SEC14L1: variants seen among roughly 807,000 people sequenced by gnomAD.
The protein encoded by SEC14L1 is SEC14 like lipid binding 1.
In SEC14L1, 48 loss-of-function variants were observed where a neutral mutation model predicts 85.3. The ratio of observed to expected loss-of-function variants is 0.56; its 90% CI spans 0.45 to 0.72. SEC14L1 has a LOEUF of 0.72. Ranked by LOEUF, SEC14L1 falls within the 30% of genes least tolerant of loss-of-function variation. The pLI is 0.00. For missense variants in SEC14L1, 682 were observed against 921.4 expected, an observed-to-expected ratio of 0.74 and a Z score of 3.36; for synonymous variants, 391 against 355.5, an observed-to-expected ratio of 1.10 and a Z score of -1.12.
intron 3 of SEC14L1, chr17:77,145,074 A>G (rs1973220754): frequency 6.9e-6 from 1 of 145,078 alleles, no homozygotes; most frequent in African/African-American, 2.6e-5. Context: ...GCACCTGGCT[A>G]ATTTGTGTGT....
At chr17:77,115,081 G>A (rs1051071450) in intron 3 of SEC14L1, among the ~76,000 whole-genome samples, 2 of 152,198 alleles carry the variant, frequency 1.3e-5, no homozygotes, top group South Asian at 4.1e-4. Context: ...AAATGCAAAC[G>A]TGGGTGTTTT....
At chr17:77,194,292 T>C (rs1210701490) in intron 6 of SEC14L1, among the ~76,000 whole-genome samples, 1 of 152,228 alleles carries the variant, frequency 6.6e-6, no homozygotes, top group Admixed American at 6.5e-5. Context: ...CACTGGCTCA[T>C]GCCTGTAATC....
intron 3 of SEC14L1, among the ~76,000 whole-genome samples, chr17:77,185,786 C>T (rs1975239693): frequency 6.6e-6 from 1 of 151,944 alleles, no homozygotes; most frequent in African/African-American, 2.4e-5. Flanking sequence ...ACCTGTTTTC[C>T]TAGGAATTGT....
chr17:77,091,477 A>G (rs947576515), intron 2 of SEC14L1, among the ~76,000 whole-genome samples: 8 of 152,242 alleles, frequency 5.3e-5, no homozygotes, highest in African/African-American at 1.9e-4. Flanking sequence ...TGTGCTGTCC[A>G]GCAGCACTTT....
At chr17:77,139,220 G>C (rs577852250), upstream of SEC14L1, among the ~76,000 whole-genome samples, 17 of 149,502 alleles carry the variant, frequency 1.1e-4, no homozygotes, top group Non-Finnish European at 2.2e-4. Flanking sequence ...CCAGGCTGGA[G>C]TGCAGGGCAG....
chr17:77,200,765 G>A, intron 9 of SEC14L1, 92 bp downstream of exon 9: 1 of 1,328,610 alleles, frequency 7.5e-7, no homozygotes, highest in Non-Finnish European at 1.0e-6. Context: ...AGTTGAGTGG[G>A]GCCCCCTTGA....
At chr17:77,198,667 T>C (rs1598386084) in intron 8 of SEC14L1, among the ~76,000 whole-genome samples, 3 of 150,372 alleles carry the variant, frequency 2.0e-5, no homozygotes, top group East Asian at 4.0e-4. Flanking sequence ...ATCCGCCTCC[T>C]GGGTTCACGC....
At position 77,215,802 on chromosome 17, in the gene SEC14L1, G is replaced by C. The variant is rs1373478553; in HGVS notation, c.*1779G>C. 1.0e-6 allele frequency: 1 copy of C among 956,442 alleles called. No individual in the cohort carries two copies. Among genetic ancestry groups the C allele is most frequent in the African/African-American group, 2.0e-5 (1 of 49,328 alleles). The allele number at this position is 956,442 out of a possible 1,614,324, so 59.2% of individuals were successfully genotyped here. A position where few individuals can be genotyped will look rare whatever the true frequency, so the allele number is the denominator to read the frequency against. ...TAGGTAGGGTTCGTAGGTAGGGTTC[G>C]TAGGTAGGGCTGGTAGGTAGGGTTA... On this transcript the variant is annotated 3_prime_UTR_variant, in exon 17 of 17. Transcript: ENST00000436233.
In SEC14L1 at chr17:77,216,612, A is replaced by G. The variant is rs1977114207; in HGVS notation, c.*2589A>G. On this transcript the variant is annotated 3_prime_UTR_variant, in exon 17 of 17. Transcript: ENST00000436233. ...CTCAACAGTCCTCATGTGCCCAGAGATGTTTATAGAACTGTTTGAATTGCA... is the reference window on the plus strand; with the variant it reads ...CTCAACAGTCCTCATGTGCCCAGAGGTGTTTATAGAACTGTTTGAATTGCA... 1.2e-6 allele frequency: 2 copies of G among 1,613,208 alleles called. No individual in the cohort carries two copies. The highest frequency in any genetic ancestry group is 4.5e-5 in the East Asian group (2 of 44,888).
chr17:77,114,793 CCATTG>C (rs1972130673), intron 3 of SEC14L1, among the ~76,000 whole-genome samples: 1 of 146,888 alleles, frequency 6.8e-6, no homozygotes. Context: ...CGAGATTGCG[CCATTG>C]CACTCCAGCC....
At chr17:77,166,497 C>T (rs773094863) in intron 3 of SEC14L1, among the ~76,000 whole-genome samples, 16 of 152,042 alleles carry the variant, frequency 1.1e-4, no homozygotes, top group Non-Finnish European at 2.1e-4. Context: ...CTCTCAGCCT[C>T]TGTTTTCTCA....
upstream of SEC14L1, among the ~76,000 whole-genome samples, chr17:77,136,127 G>A (rs1367563195): frequency 6.6e-6 from 1 of 151,726 alleles, no homozygotes; most frequent in Non-Finnish European, 1.5e-5. Flanking sequence ...TGCCCGCCTC[G>A]GCCTCCCAAA....
In SEC14L1 at chr17:77,149,502, C is replaced by A. The variant is rs1973460780; in HGVS notation, c.63+5843C>A. Among the ~76,000 whole-genome samples the A allele has an allele frequency of 2.0e-5, 3 of 152,030 alleles. No individual in the cohort carries two copies. The South Asian group carries it at 6.2e-4, about 32-fold the overall frequency. The stretch of plus-strand genomic sequence containing the variant: ...TGAGGTTCCAGGAGTTCGAGACCAA[C>A]TTGGGCAACATAGCAAGATCCTGTC... On this transcript the variant is annotated intron_variant, in intron 3 of 16. Coordinates refer to ENST00000436233, the MANE Select transcript of SEC14L1 (RefSeq NM_001143998.2).
At chr17:77,185,109 T>C in intron 3 of SEC14L1, 5 of 544,332 alleles carry the variant, frequency 9.2e-6, no homozygotes, top group Non-Finnish European at 9.4e-6. Context: ...TTGAGTAAGA[T>C]TGTATTGTAT....
At chr17:77,090,299 A>C (rs1315152129) in intron 2 of SEC14L1, among the ~76,000 whole-genome samples, 1 of 151,856 alleles carries the variant, frequency 6.6e-6, no homozygotes, top group Non-Finnish European at 1.5e-5. Context: ...CTCAAAAAAA[A>C]AAAAAAGGGC....
At chr17:77,185,651 T>A (rs1434686579) in intron 3 of SEC14L1, among the ~76,000 whole-genome samples, 1 of 152,222 alleles carries the variant, frequency 6.6e-6, no homozygotes, top group Non-Finnish European at 1.5e-5. Flanking sequence ...AAGTCTCAAT[T>A]TCTTGGTACG....
chr17:77,156,753 G>A (rs1025561951), intron 3 of SEC14L1, among the ~76,000 whole-genome samples: 1 of 151,966 alleles, frequency 6.6e-6, no homozygotes, highest in African/African-American at 2.4e-5. Context: ...CGTTTGGTCG[G>A]CTGTATTTAC....
chr17:77,145,077 TTGTGTGTGTGTGTGTGTATGTA>T (rs56235460), intron 3 of SEC14L1: 37,523 of 144,184 alleles, frequency 0.26, 5,002 homozygotes, highest in South Asian at 0.34. Flanking sequence ...CCTGGCTAAT[TTGTGTGTGTGTGTGTGTATGTA>T]TGTGTGTGTG....
chr17:77,195,107 T>C, intron 7 of SEC14L1, 196 bp downstream of exon 7: 1 of 576,624 alleles, frequency 1.7e-6, no homozygotes, highest in Non-Finnish European at 3.1e-6. Context: ...AGATTTTTTG[T>C]TAATAGGAAG....
Sources: gnomAD v4.1 joint callset for allele counts (sites outside exome capture counted in the v4.1 genomes callset) on GRCh38, gnomAD v4.1.1 for gene constraint, MANE v1.5 for transcripts, NCBI Gene and HGNC (gene_info 2026-07-23, HGNC 2026-07-21) for gene names.